The following ME2 variants were observed in gnomAD, a reference collection of about 807,000 sequenced individuals.
The protein encoded by ME2 is malic enzyme 2, also known as NAD-dependent malic enzyme, mitochondrial.
ME2 carries 60 observed loss-of-function variants against 73.7 expected under a neutral mutation model. That is an observed-to-expected ratio of 0.81 (90% CI 0.66 to 1.01). The LOEUF is 1.01. Ranked by LOEUF, ME2 falls within the 50% of genes least tolerant of loss-of-function variation. ME2 has a pLI of 0.00. For synonymous variants in ME2, 199 were observed against 236.9 expected, an observed-to-expected ratio of 0.84 and a Z score of 1.47; for missense variants, 594 against 705.5, an observed-to-expected ratio of 0.84 and a Z score of 1.79.
rs771434338 is a variant in ME2, at chr18:50,921,212, G to A, written c.1056+25G>A. On this transcript the variant is annotated intron_variant, in intron 10 of 15. Transcript: ENST00000321341. ...GGTAAGGTATTTAAAATTTGGAGAA[G>A]CAAAAGAGTGTATTATATTTTTAGT... The A allele has an allele frequency of 7.9e-6, 9 of 1,141,068 alleles. No individual in the cohort carries two copies. The African/African-American group carries it at 9.6e-5, about 12-fold the overall frequency. 70.7% of individuals were successfully genotyped at this position (1,141,068 alleles called of 1,614,324 possible).
chr18:50,951,452 T>A lies in ME2; in HGVS notation c.*4268T>A, dbSNP rs1245997347. 2.0e-5 allele frequency: 3 copies of A among 152,204 alleles called. No homozygotes were observed. The highest frequency in any genetic ancestry group is 4.4e-5 in the Non-Finnish European group (3 of 68,030). The allele number at this position is 152,204 out of a possible 1,614,324, so 9.4% of individuals were successfully genotyped here. A position where few individuals can be genotyped will look rare whatever the true frequency, so the allele number is the denominator to read the frequency against. ...AGTCAGTATCCTTCAAGGATAACTTTTTCATACCTTTTTTTTGGTTTGTTT... is the reference window on the plus strand; with the variant it reads ...AGTCAGTATCCTTCAAGGATAACTTATTCATACCTTTTTTTTGGTTTGTTT... On this transcript the variant is annotated 3_prime_UTR_variant, in exon 16 of 16. Coordinates refer to ENST00000321341, the MANE Select transcript of ME2 (RefSeq NM_002396.5).
At chr18:50,941,520 C>T (rs1272933923) in intron 15 of ME2, among the ~76,000 whole-genome samples, 1 of 150,576 alleles carries the variant, frequency 6.6e-6, no homozygotes, top group Non-Finnish European at 1.5e-5. Context: ...ATTACAGATG[C>T]CCACCACCAT....
At chr18:50,907,714 A>G (rs1373428710) in intron 2 of ME2, among the ~76,000 whole-genome samples, 2 of 152,240 alleles carry the variant, frequency 1.3e-5, no homozygotes, top group Non-Finnish European at 2.9e-5. Flanking sequence ...CAATGCTACA[A>G]CTAAACTTTT....
At chr18:50,908,562 G>A (rs1917069465) in intron 3 of ME2, among the ~76,000 whole-genome samples, 1 of 152,192 alleles carries the variant, frequency 6.6e-6, no homozygotes, top group Non-Finnish European at 1.5e-5. Context: ...TAGATAGGAT[G>A]ACCATATATT....
Position 50,949,340 on chromosome 18 carries a change from G to C in ME2, c.*2156G>C, listed in dbSNP as rs2144283372. 6.6e-6 allele frequency: 1 copy of C among 152,240 alleles called. No homozygotes were observed. The highest frequency in any genetic ancestry group is 2.1e-4 in the South Asian group (1 of 4,814). The allele number at this position is 152,240 out of a possible 1,614,324, so 9.4% of individuals were successfully genotyped here. A position where few individuals can be genotyped will look rare whatever the true frequency, so the allele number is the denominator to read the frequency against. On this transcript the variant is annotated 3_prime_UTR_variant, in exon 16 of 16. Transcript: ENST00000321341. The stretch of plus-strand genomic sequence containing the variant: ...TATGGGTTTTGGTTTGTTTGTTTTA[G>C]ATATGGGGTTTTGCTATGTCACCCT...
intron 1 of ME2, among the ~76,000 whole-genome samples, chr18:50,879,549 C>G (rs1045046731): frequency 2.0e-5 from 3 of 152,206 alleles, no homozygotes; most frequent in Non-Finnish European, 4.4e-5. Flanking sequence ...CGGCTCTACC[C>G]GGCGCGCGAT....
intron 1 of ME2, among the ~76,000 whole-genome samples, chr18:50,893,842 A>G (rs1196300874): frequency 6.6e-6 from 1 of 152,202 alleles, no homozygotes; most frequent in Non-Finnish European, 1.5e-5. Context: ...TCTTCTTTGA[A>G]GCTGTGAACA....
chr18:50,927,742 A>ATATATG (rs1241037848), intron 12 of ME2, among the ~76,000 whole-genome samples: 2 of 136,510 alleles, frequency 1.5e-5, no homozygotes, highest in Non-Finnish European at 3.1e-5. Flanking sequence ...ATATATATAT[A>ATATATG]TATATATATA....
At chr18:50,936,266 T>C (rs1917817806) in intron 13 of ME2, among the ~76,000 whole-genome samples, 1 of 152,142 alleles carries the variant, frequency 6.6e-6, no homozygotes, top group South Asian at 2.1e-4. Context: ...CATTACACAG[T>C]GAAAATATCC....
At chr18:50,919,977 G>A (rs568140546) in intron 7 of ME2, among the ~76,000 whole-genome samples, 2 of 151,992 alleles carry the variant, frequency 1.3e-5, no homozygotes, top group Admixed American at 1.3e-4. Context: ...TTCTTTCAGG[G>A]CCCACCTCCT....
In ME2 at chr18:50,949,976, C is replaced by G. The variant is rs1315362255; in HGVS notation, c.*2792C>G. Reference sequence around the variant, plus strand: ...GGAAAAGAAATTAAAACATTACCTTCGATGAGACTTTACCTAGCAAGAAGG... The same window carrying G: ...GGAAAAGAAATTAAAACATTACCTTGGATGAGACTTTACCTAGCAAGAAGG... On this transcript the variant is annotated 3_prime_UTR_variant, in exon 16 of 16. Transcript: ENST00000321341. 6.6e-6 allele frequency: 1 copy of G among 152,150 alleles called. No individual in the cohort carries two copies. Among genetic ancestry groups the G allele is most frequent in the East Asian group, 1.9e-4 (1 of 5,198 alleles). The allele number at this position is 152,150 out of a possible 1,614,324, so 9.4% of individuals were successfully genotyped here.
chr18:50,920,351 T>C (rs1917392895), intron 7 of ME2, 105 bp from the exon 8 acceptor site: 1 of 771,978 alleles, frequency 1.3e-6, no homozygotes, highest in Non-Finnish European at 2.1e-6. Flanking sequence ...TTAATTGAAC[T>C]AACATAATAC....
chr18:50,928,428 T>C (rs1331603935), intron 12 of ME2, among the ~76,000 whole-genome samples: 3 of 151,316 alleles, frequency 2.0e-5, no homozygotes, highest in Non-Finnish European at 4.4e-5. Context: ...TTAGTAGATA[T>C]GGGGTTTTAC....
chr18:50,940,113 ATTGTT>A, intron 14 of ME2, 170 bp from the exon 15 acceptor site: 1 of 571,776 alleles, frequency 1.7e-6, no homozygotes, highest in South Asian at 2.5e-5. Context: ...CTGGTTATTT[ATTGTT>A]TAGTGATGAA....
chr18:50,939,910 A>T, intron 14 of ME2: 1 of 426,332 alleles, frequency 2.3e-6, no homozygotes, highest in Non-Finnish European at 4.2e-6. Flanking sequence ...AGCATAGATA[A>T]CTCCTTGCAT....
At chr18:50,891,545 C>T (rs1916605167) in intron 1 of ME2, among the ~76,000 whole-genome samples, 1 of 152,160 alleles carries the variant, frequency 6.6e-6, no homozygotes, top group Admixed American at 6.5e-5. Flanking sequence ...AAGCCTTTTT[C>T]ATGGAAAGTC....
chr18:50,932,292 G>A lies in ME2; in HGVS notation c.1349G>A (p.Gly450Glu), dbSNP rs649224. 144,952 of 1,611,000 alleles carry A rather than the reference G, an allele frequency of 0.09. 8,917 individuals carry two copies. Among genetic ancestry groups the A allele is most frequent in the African/African-American group, 0.31 (23,333 of 74,738 alleles). ...TTGTTTGCCAGTGGCAGTCCATTTGGGCCAGTGAAACTTACAGATGGGCGA... is the reference window on the plus strand; with the variant it reads ...TTGTTTGCCAGTGGCAGTCCATTTGAGCCAGTGAAACTTACAGATGGGCGA... ...RCLFASGSPFGPVKLTDGRVF... is the reference protein window; with the variant it reads ...RCLFASGSPFEPVKLTDGRVF... The change falls in exon 13 of 16, where the codon GGG (glycine) becomes GAG (glutamate). Residue 450 changes from glycine to glutamate, a missense_variant. Transcript: ENST00000321341.
chr18:50,911,392 A>G (rs1917152089), intron 3 of ME2, among the ~76,000 whole-genome samples: 1 of 152,206 alleles, frequency 6.6e-6, no homozygotes, highest in Non-Finnish European at 1.5e-5. Flanking sequence ...GTTATATGCC[A>G]CATATTGCTA....
chr18:50,908,144 C>T lies in ME2; in HGVS notation c.190C>T (p.Gln64Ter), dbSNP rs1353050088. 1 of 1,606,720 alleles carries T rather than the reference C, an allele frequency of 6.2e-7. No individual in the cohort carries two copies. The highest frequency in any genetic ancestry group is 8.5e-7 in the Non-Finnish European group (1 of 1,176,718). The change falls in exon 3 of 16, where the codon CAA becomes TAA. Residue 64 changes from glutamine (Q) to a stop codon, truncating the protein, a stop_gained. Coordinates refer to ENST00000321341, the MANE Select transcript of ME2 (RefSeq NM_002396.5). LOFTEE classifies it high-confidence loss of function. ...LPPKIETQDI[Q>*]ALRFHRNLKK... ...TCCCAAAATAGAGACACAAGATATT[C>T]AAGCCTTACGATTTCATAGAAACTT...
Sources: gnomAD v4.1 joint callset for allele counts (sites outside exome capture counted in the v4.1 genomes callset) on GRCh38, gnomAD v4.1.1 for gene constraint, MANE v1.5 for transcripts, NCBI Gene and HGNC (gene_info 2026-07-23, HGNC 2026-07-21) for gene names.